The following HAUS7 variants were observed in gnomAD, a reference collection of about 807,000 sequenced individuals.
HAUS7 encodes HAUS augmin-like complex subunit 7.
HAUS7 carries 3 observed loss-of-function variants against 28.4 expected under a neutral mutation model. The ratio of observed to expected loss-of-function variants is 0.11; its 90% CI spans 0.05 to 0.27. The LOEUF is 0.27. HAUS7 is among the 10% of genes least tolerant of loss of function. HAUS7 has a pLI of 1.00. For synonymous variants in HAUS7, 165 were observed against 132.1 expected, an observed-to-expected ratio of 1.25 and a Z score of -1.71; for missense variants, 284 against 297.3, an observed-to-expected ratio of 0.96 and a Z score of 0.33.
intron 9 of HAUS7, among the ~76,000 whole-genome samples, chrX:153,451,448 A>G (rs782768860): frequency 8.9e-6 from 1 of 112,192 alleles, no homozygotes; most frequent in Non-Finnish European, 1.9e-5. Context: ...CTGCAGTTCA[A>G]TTGGCAAGAA....
intron 1 of HAUS7, chrX:153,481,018 C>G: frequency 1.3e-6 from 1 of 754,267 alleles, no homozygotes; most frequent in South Asian, 6.7e-5. Context: ...GAGAACTGGC[C>G]AGGACAGGCG....
At chrX:153,448,503 C>G (rs781827986) in intron 9 of HAUS7, among the ~76,000 whole-genome samples, 178 of 109,884 alleles carry the variant, frequency 1.6e-3, no homozygotes, top group African/African-American at 5.6e-3. Context: ...TGTAACTAAC[C>G]TGCACGTTGT....
intron 2 of HAUS7, among the ~76,000 whole-genome samples, chrX:153,466,915 C>G (rs1383270276): frequency 8.9e-6 from 1 of 112,205 alleles, no homozygotes; most frequent in Admixed American, 9.4e-5. Context: ...GCATATATTC[C>G]AAAATCCGAA....
At chrX:153,463,749 G>A (rs1005955952) in intron 3 of HAUS7, among the ~76,000 whole-genome samples, 21 of 112,755 alleles carry the variant, frequency 1.9e-4, no homozygotes, top group Admixed American at 2.8e-4. Flanking sequence ...AAGCTGCCAG[G>A]CACAGCCCAC....
intron 1 of HAUS7, among the ~76,000 whole-genome samples, chrX:153,484,944 G>C (rs996966786): frequency 5.3e-5 from 6 of 112,857 alleles, no homozygotes; most frequent in Non-Finnish European, 9.4e-5. Flanking sequence ...AGCCACGGGG[G>C]CTGAGGGTGT....
At chrX:153,482,696 AC>A in intron 1 of HAUS7, 1 of 755,310 alleles carries the variant, frequency 1.3e-6, no homozygotes, top group Non-Finnish European at 1.6e-6. Context: ...GGCTCACCGC[AC>A]CCCTCTGCCC....
At chrX:153,450,186 T>G (rs1219489755) in intron 9 of HAUS7, among the ~76,000 whole-genome samples, 3 of 111,546 alleles carry the variant, frequency 2.7e-5, no homozygotes, top group Non-Finnish European at 5.7e-5. Context: ...GATCAGCTCT[T>G]GCCCCATGGA....
chrX:153,481,847 G>A, intron 1 of HAUS7: 1 of 755,849 alleles, frequency 1.3e-6, no homozygotes, highest in South Asian at 6.7e-5. Context: ...ACACGTTCCT[G>A]GGGCTGCCCA....
At chrX:153,481,841 G>C in intron 1 of HAUS7, 1 of 755,707 alleles carries the variant, frequency 1.3e-6, no homozygotes, top group Non-Finnish European at 1.6e-6. Context: ...CAGCCCACAC[G>C]TTCCTGGGGC....
At chrX:153,470,016 G>A (rs1254699359) in intron 1 of HAUS7, among the ~76,000 whole-genome samples, 2 of 111,400 alleles carry the variant, frequency 1.8e-5, no homozygotes, top group African/African-American at 3.3e-5. Flanking sequence ...GGCTGTAGAG[G>A]GCTTCTGGAG....
intron 7 of HAUS7, 48 bp downstream of exon 7, chrX:153,456,217 C>T (rs782721547): frequency 2.0e-6 from 2 of 1,003,949 alleles, no homozygotes; most frequent in Non-Finnish European, 2.8e-6. Context: ...GGTGACAAAG[C>T]AGGGCCTTGC....
rs2089491038 is a variant in HAUS7 at position 153,469,266 on chromosome X, G to A, written c.109-5C>T. 2.2e-6 allele frequency: 2 copies of A among 894,453 alleles called. No homozygotes were observed. The highest frequency in any genetic ancestry group is 3.9e-5 in the African/African-American group (2 of 51,310). 73.7% of individuals were successfully genotyped at this position (894,453 alleles called of 1,213,427 possible). A position where few individuals can be genotyped will look rare whatever the true frequency, so the allele number is the denominator to read the frequency against. On this transcript the variant is annotated splice_region_variant and splice_polypyrimidine_tract_variant and intron_variant, in intron 1 of 9. Transcript: ENST00000370211. ...GAGGAAGGGGCAGTTTAGGTCCTAA[G>A]CAAGGAAAAGGAAAGCAACATTCAC...
Position 153,447,860 on chromosome X carries a change from G to C in HAUS7, c.*18C>G, listed in dbSNP as rs369910198. 3.8e-5 allele frequency: 45 copies of C among 1,181,568 alleles called. No individual in the cohort carries two copies. The highest frequency in any genetic ancestry group is 5.2e-5 in the Non-Finnish European group (45 of 868,132). On this transcript the variant is annotated 3_prime_UTR_variant, in exon 10 of 10. Coordinates refer to ENST00000370211, the MANE Select transcript of HAUS7 (RefSeq NM_001385482.1). ...CGCCCCATCCTGTGCTTTGGCGTAG[G>C]CCATCACTGAAGACTTTCTATTTCT...
intron 8 of HAUS7, chrX:153,455,021 TA>T: frequency 4.9e-6 from 5 of 1,025,515 alleles, no homozygotes; most frequent in Non-Finnish European, 6.4e-6. Context: ...TCATCGTAAC[TA>T]AAGCCGGCTT....
intron 2 of HAUS7, among the ~76,000 whole-genome samples, chrX:153,468,453 T>C (rs1464203271): frequency 2.7e-5 from 3 of 112,241 alleles, no homozygotes; most frequent in Non-Finnish European, 5.7e-5. Context: ...CTCACAGCTG[T>C]GAGGCAGTGA....
chrX:153,456,884 C>T, intron 5 of HAUS7: 2 of 440,654 alleles, frequency 4.5e-6, no homozygotes, highest in East Asian at 3.7e-5. Context: ...GTGCCTGGCC[C>T]GTCTGCTCTG....
chrX:153,492,135 C>G (rs1433511463), intron 1 of HAUS7, among the ~76,000 whole-genome samples: 8 of 113,104 alleles, frequency 7.1e-5, no homozygotes, highest in Non-Finnish European at 1.5e-4. Context: ...CCTTGCGCCC[C>G]CCGTGCCTGC....
In HAUS7 at chrX:153,456,664, C is replaced by T; in HGVS notation, c.447-13G>A. On this transcript the variant is annotated splice_polypyrimidine_tract_variant and intron_variant, in intron 5 of 9. Coordinates refer to ENST00000370211, the MANE Select transcript of HAUS7 (RefSeq NM_001385482.1). ...GTGCTCCATCAGGCTGCAAAGGCAG[C>T]CCCCAGGGCCACACCGTCACAGGCC... is the stretch of plus-strand genomic sequence containing the variant. 2.6e-6 allele frequency: 3 copies of T among 1,157,761 alleles called. No homozygotes were observed. Among genetic ancestry groups the T allele is most frequent in the Non-Finnish European group, 2.3e-6 (2 of 863,686 alleles).
intron 5 of HAUS7, 119 bp downstream of exon 5, chrX:153,457,018 G>A (rs985797752): frequency 1.9e-6 from 1 of 519,256 alleles, no homozygotes; most frequent in African/African-American, 2.3e-5. Flanking sequence ...ATCCCCAAGT[G>A]GGGTGTCACA....
Sources: allele counts gnomAD v4.1 joint callset (sites outside exome capture counted in the v4.1 genomes callset), GRCh38; gene constraint gnomAD v4.1.1; transcripts MANE v1.5; gene names NCBI Gene and HGNC (gene_info 2026-07-23, HGNC 2026-07-21).